Variants in PPFIA3 observed in about 807,000 individuals in gnomAD.
PPFIA3 encodes the protein PPFI scaffold protein A3.
PPFIA3 carries 26 observed loss-of-function variants against 145.8 expected under a neutral mutation model. That is an observed-to-expected ratio of 0.18 (90% CI 0.13 to 0.25). The LOEUF is 0.25. Among genes scored for constraint, PPFIA3 ranks in the 10% least tolerant of loss-of-function variants. The probability of loss-of-function intolerance (pLI) is 1.00; values close to 1 mark genes in which losing one functional copy is unlikely to be tolerated. For synonymous variants in PPFIA3, 645 were observed against 661.4 expected, an observed-to-expected ratio of 0.98 and a Z score of 0.38; for missense variants, 1,008 against 1,587.8, an observed-to-expected ratio of 0.63 and a Z score of 6.21.
chr19:49,148,600 C>G, intron 24 of PPFIA3, 66 bp from the exon 25 acceptor site: 4 of 1,278,084 alleles, frequency 3.1e-6, no homozygotes, highest in Non-Finnish European at 3.4e-6. Context: ...TGGGGAGGGA[C>G]CCGTAGGAGC....
Position 49,130,360 on chromosome 19 carries a change from C to T in PPFIA3, c.658-18C>T, listed in dbSNP as rs977983294. On this transcript the variant is annotated intron_variant, in intron 6 of 29. Transcript: ENST00000334186. The surrounding 1 kb of genome is among the most constrained non-coding windows in gnomAD (Gnocchi z 4.5). Reference sequence around the variant, plus strand: ...CGGAGACACTCTGGGATCTTGTCCCCTCCTTCCCTCACTCCAGACTCTTGC... The same window carrying T: ...CGGAGACACTCTGGGATCTTGTCCCTTCCTTCCCTCACTCCAGACTCTTGC... 3 of 1,577,666 alleles carry T rather than the reference C, an allele frequency of 1.9e-6. No individual in the cohort carries two copies. Among genetic ancestry groups the T allele is most frequent in the Non-Finnish European group, 2.6e-6 (3 of 1,158,966 alleles).
chr19:49,133,461 G>A lies in PPFIA3; in HGVS notation c.1161+90G>A. 1 of 1,415,598 alleles carries A rather than the reference G, an allele frequency of 7.1e-7. No homozygotes were observed. Among genetic ancestry groups the A allele is most frequent in the Non-Finnish European group, 9.3e-7 (1 of 1,073,764 alleles). The allele number at this position is 1,415,598 out of a possible 1,614,324, so 87.7% of individuals were successfully genotyped here. A position where few individuals can be genotyped will look rare whatever the true frequency, so the allele number is the denominator to read the frequency against. On this transcript the variant is annotated intron_variant, in intron 9 of 29. Transcript: ENST00000334186. This position sits in a 1 kb window ranked among gnomAD's most constrained non-coding sequence, Gnocchi z 7.2. Reference sequence around the variant, plus strand: ...CGTGAATCTGGAGGGGTAGGAGCGAGGTCAGAACCCCGGATTTGGGGGAAA... The same window carrying A: ...CGTGAATCTGGAGGGGTAGGAGCGAAGTCAGAACCCCGGATTTGGGGGAAA...
chr19:49,148,281 G>A (rs763268774), intron 24 of PPFIA3, 23 bp downstream of exon 24: 6 of 1,608,394 alleles, frequency 3.7e-6, no homozygotes, highest in Admixed American at 1.7e-5. Context: ...TGGCCAGTGG[G>A]GACAGTCCAA....
At position 49,129,993 on chromosome 19, in the gene PPFIA3, A is replaced by G; in HGVS notation, c.583A>G (p.Thr195Ala). The G allele has an allele frequency of 1.2e-6, 2 of 1,613,410 alleles. No homozygotes were observed. The highest frequency in any genetic ancestry group is 1.1e-5 in the South Asian group (1 of 91,030). Reference sequence around the variant, plus strand: ...TCTGATTCCCCTTTCACACTTCCAGACTCTGAACCTTCGAGAACAGCTGTC... The same window carrying G: ...TCTGATTCCCCTTTCACACTTCCAGGCTCTGAACCTTCGAGAACAGCTGTC... ...EEELELSNQE[T>A]LNLREQLSRR... The change falls in exon 6 of 30, where the codon ACT becomes GCT. Residue 195 changes from threonine (T) to alanine (A), a missense_variant and splice_region_variant. By Grantham distance (58) the Thr-to-Ala change is moderately conservative (BLOSUM62 0). This residue lies in a region of PPFIA3 where 136 missense variants were observed against 160.7 expected (regional missense o/e 0.85). Coordinates refer to ENST00000334186, the MANE Select transcript of PPFIA3 (RefSeq NM_003660.4).
intron 14 of PPFIA3, among the ~76,000 whole-genome samples, chr19:49,136,203 C>T (rs2041135136): frequency 6.6e-6 from 1 of 152,022 alleles, no homozygotes. Context: ...GGAACAGGAG[C>T]CAGCTGAGTC....
At chr19:49,146,751 G>A (rs1018691248) in intron 23 of PPFIA3, among the ~76,000 whole-genome samples, 1 of 152,152 alleles carries the variant, frequency 6.6e-6, no homozygotes, top group Non-Finnish European at 1.5e-5. Context: ...CCAACATGGT[G>A]AAACCCTGTG....
At position 49,136,948 on chromosome 19, in the gene PPFIA3, C is replaced by T. The variant is rs762511565; in HGVS notation, c.1853+37C>T. 199 of 1,454,686 alleles carry T rather than the reference C, an allele frequency of 1.4e-4. 1 individual carries two copies. Among genetic ancestry groups the T allele is most frequent in the Admixed American group, 4.3e-4 (18 of 41,858 alleles). 90.1% of individuals were successfully genotyped at this position (1,454,686 alleles called of 1,614,324 possible). A position where few individuals can be genotyped will look rare whatever the true frequency, so the allele number is the denominator to read the frequency against. On this transcript the variant is annotated intron_variant, in intron 15 of 29. Transcript: ENST00000334186. ...CCCCGCCCCGGCCTGCCCTGCCCTG[C>T]CGGAGCTGACTCCACAGCCCTTCTG... is the stretch of plus-strand genomic sequence containing the variant.
rs190717199 is a variant in PPFIA3, at chr19:49,140,243, G to T, written c.2368+155G>T. Reference sequence around the variant, plus strand: ...GGAAGGAACACAGCTTGCCAAGGTAGGCGGGAGGAGGAGGGAAAAGGAAAG... The same window carrying T: ...GGAAGGAACACAGCTTGCCAAGGTATGCGGGAGGAGGAGGGAAAAGGAAAG... On this transcript the variant is annotated intron_variant, in intron 18 of 29. Coordinates refer to ENST00000334186, the MANE Select transcript of PPFIA3 (RefSeq NM_003660.4). 9.1e-4 allele frequency among the ~76,000 whole-genome samples: 138 copies of T among 152,306 alleles called. 1 individual carries two copies. The highest frequency in any genetic ancestry group is 2.8e-3 in the African/African-American group (118 of 41,562).
chr19:49,148,867 A>C, intron 25 of PPFIA3, 104 bp downstream of exon 25: 4 of 1,424,950 alleles, frequency 2.8e-6, no homozygotes, highest in Non-Finnish European at 3.8e-6. Context: ...TTGGCACCAT[A>C]ACCGTGGGGG....
At chr19:49,127,250 C>A (rs1402703496) in intron 1 of PPFIA3, among the ~76,000 whole-genome samples, 1 of 151,238 alleles carries the variant, frequency 6.6e-6, no homozygotes, top group Non-Finnish European at 1.5e-5. Context: ...GGCATGGTGG[C>A]GGGTTCCTGT....
At position 49,133,793 on chromosome 19, in the gene PPFIA3, T is replaced by G. The variant is rs751037399; in HGVS notation, c.1162-3T>G. ...GTCACACGCCATGGGTTCCATCTCC[T>G]AGGCCGAGGAACGTCATGGGAATTT... On this transcript the variant is annotated splice_polypyrimidine_tract_variant and splice_region_variant and intron_variant, in intron 9 of 29. Transcript: ENST00000334186. The surrounding 1 kb of genome is among the most constrained non-coding windows in gnomAD (Gnocchi z 7.2). 20 of 1,613,128 alleles carry G rather than the reference T, an allele frequency of 1.2e-5. No individual in the cohort carries two copies. In the South Asian group the frequency reaches 2.2e-4, roughly 18 times the overall value.
chr19:49,138,133 T>C (rs2041163592), intron 15 of PPFIA3, 72 bp from the exon 16 acceptor site: 3 of 1,457,260 alleles, frequency 2.1e-6, no homozygotes, highest in African/African-American at 2.8e-5. Flanking sequence ...TTCTGGCCCA[T>C]TGTGCTCCCA....
rs766590222 is a variant in PPFIA3 at position 49,134,063 on chromosome 19, C to T, written c.1275C>T (p.Asp425=). 6.8e-6 allele frequency: 11 copies of T among 1,613,310 alleles called. No homozygotes were observed. In the African/African-American group the frequency reaches 1.2e-4, roughly 18 times the overall value. ...GGCAGCGGGAGAAGATGAACGATGA[C>T]CACAATAAGCGGCTGTCCGAGACGG... ...RARQREKMND[D]HNKRLSETVD... The change falls in exon 11 of 30, where the codon GAC becomes GAT. Residue 425 remains aspartate (D), a synonymous_variant. Coordinates refer to ENST00000334186, the MANE Select transcript of PPFIA3 (RefSeq NM_003660.4).
chr19:49,141,937 A>ATGTGTG (rs113859565), intron 19 of PPFIA3, 97 bp from the exon 20 acceptor site: 18 of 712,010 alleles, frequency 2.5e-5, no homozygotes, highest in Middle Eastern at 5.1e-4. Flanking sequence ...GCGTATGTGC[A>ATGTGTG]TGTGTGTGTG....
chr19:49,147,250 C>T (rs1321116986), intron 23 of PPFIA3, among the ~76,000 whole-genome samples: 1 of 152,122 alleles, frequency 6.6e-6, no homozygotes, highest in East Asian at 1.9e-4. Context: ...AGAGTTAAAG[C>T]AGTGCTTCCC....
Position 49,147,591 on chromosome 19 carries a change from C to T in PPFIA3, c.2836-492C>T, listed in dbSNP as rs1222043883. On this transcript the variant is annotated intron_variant, in intron 23 of 29. Coordinates refer to ENST00000334186, the MANE Select transcript of PPFIA3 (RefSeq NM_003660.4). The stretch of plus-strand genomic sequence containing the variant: ...AATCCCAGCTACTCGAAGGCTGAGG[C>T]AAGAGAATTGCTTGAACCTGGGATG... 2.0e-5 allele frequency among the ~76,000 whole-genome samples: 3 copies of T among 151,706 alleles called. No individual in the cohort carries two copies. The South Asian group carries it at 6.2e-4, about 32-fold the overall frequency.
At chr19:49,144,244 C>T (rs540211962) in intron 21 of PPFIA3, among the ~76,000 whole-genome samples, 11 of 152,054 alleles carry the variant, frequency 7.2e-5, no homozygotes, top group Non-Finnish European at 1.5e-4. Context: ...CTCCTGACCT[C>T]GTGATCCACC....
chr19:49,134,707 G>T lies in PPFIA3; in HGVS notation c.1440+6G>T. 1 of 1,613,774 alleles carries T rather than the reference G, an allele frequency of 6.2e-7. No individual in the cohort carries two copies. Among genetic ancestry groups the T allele is most frequent in the Non-Finnish European group, 8.5e-7 (1 of 1,179,702 alleles). ...ATGAGTTGCTGCTAAACAAGGTAGG[G>T]GGCCCTGAGGGGACAGGAGGAGGAT... On this transcript the variant is annotated splice_donor_region_variant and intron_variant, in intron 12 of 29. Transcript: ENST00000334186.
At chr19:49,142,437 C>T (rs1423327337) in intron 20 of PPFIA3, among the ~76,000 whole-genome samples, 1 of 151,998 alleles carries the variant, frequency 6.6e-6, no homozygotes, top group East Asian at 1.9e-4. Flanking sequence ...TTTTGTCATT[C>T]CCCATATTTC....
Sources: gnomAD v4.1 joint callset for allele counts (sites outside exome capture counted in the v4.1 genomes callset) on GRCh38, gnomAD v4.1.1 for gene constraint, gnomAD v4.1.1 regional missense constraint, Gnocchi (gnomAD v3.1) non-coding constraint, MANE v1.5 for transcripts, NCBI Gene and HGNC (gene_info 2026-07-23, HGNC 2026-07-21) for gene names.